Variants in NBAS observed in about 807,000 individuals in gnomAD.
NBAS encodes the protein NBAS subunit of NRZ tethering complex, also known as NAG/BC035112 fusion.
NBAS carries 219 observed loss-of-function variants against 302.5 expected under a neutral mutation model. That is an observed-to-expected ratio of 0.72 (90% CI 0.65 to 0.81). NBAS has a LOEUF of 0.81. Among genes scored for constraint, NBAS ranks in the 30% least tolerant of loss-of-function variants. The pLI is 0.00. For synonymous variants in NBAS, 1,118 were observed against 1,021.6 expected, an observed-to-expected ratio of 1.09 and a Z score of -1.80; for missense variants, 2,932 against 2,841.6, an observed-to-expected ratio of 1.03 and a Z score of -0.72.
chr2:14,907,268 C>T, the NBAS span, among the ~76,000 whole-genome samples: 1 of 152,172 alleles, frequency 6.6e-6, no homozygotes, highest in African/African-American at 2.4e-5. Context: ...CAGAGGCTTA[C>T]GTAATAAAAT....
the NBAS span, among the ~76,000 whole-genome samples, chr2:15,094,326 C>A: frequency 8.5e-5 from 13 of 152,130 alleles, no homozygotes; most frequent in Non-Finnish European, 1.6e-4. Flanking sequence ...TTTATGACAT[C>A]TCCATAAAAG....
intron 34 of NBAS, 108 bp from the exon 35 acceptor site, chr2:15,352,189 T>C (rs1673393632): frequency 1.3e-6 from 1 of 763,044 alleles, no homozygotes; most frequent in African/African-American, 1.7e-5. Flanking sequence ...AAAATTACCT[T>C]TTCATAATGA....
the NBAS span, among the ~76,000 whole-genome samples, chr2:14,992,457 A>G: frequency 0.013 from 1,926 of 152,262 alleles, 16 homozygotes; most frequent in Middle Eastern, 0.034. Context: ...TCTGTGCACA[A>G]TTTGTAATGG....
the NBAS span, among the ~76,000 whole-genome samples, chr2:15,090,751 G>A: frequency 4.6e-5 from 7 of 152,270 alleles, no homozygotes; most frequent in South Asian, 1.5e-3. Flanking sequence ...TCCTTATTTG[G>A]AAAAGCCATA....
the NBAS span, among the ~76,000 whole-genome samples, chr2:15,065,944 A>G: frequency 6.6e-6 from 1 of 152,200 alleles, no homozygotes; most frequent in African/African-American, 2.4e-5. Flanking sequence ...TCAAAGAAGA[A>G]CAAAGTTGGA....
At chr2:15,093,348 G>A in the NBAS span, among the ~76,000 whole-genome samples, 1,069 of 152,130 alleles carry the variant, frequency 7.0e-3, 13 homozygotes, top group African/African-American at 0.024. Context: ...CCCGGGAGGC[G>A]GTGGTTGCAG....
chr2:15,395,705 CT>C (rs1311721383), intron 27 of NBAS, among the ~76,000 whole-genome samples: 1 of 151,944 alleles, frequency 6.6e-6, no homozygotes, highest in African/African-American at 2.4e-5. Context: ...ATGTTATTAG[CT>C]ATAAATTTCT....
chr2:15,461,274 G>A lies in NBAS; in HGVS notation c.2266C>T (p.Arg756Cys), dbSNP rs948610084. The A allele has an allele frequency of 3.1e-6, 5 of 1,613,280 alleles. No homozygotes were observed. The highest frequency in any genetic ancestry group is 1.1e-5 in the South Asian group (1 of 91,060). The change falls in exon 21 of 52, where the codon CGC becomes TGC. Residue 756 changes from arginine (R) to cysteine (C), a missense_variant. Physicochemically the swap from Arg to Cys is radical, Grantham distance 180 (BLOSUM62 -3). Coordinates refer to ENST00000281513, the MANE Select transcript of NBAS (RefSeq NM_015909.4). The stretch of plus-strand genomic sequence containing the variant: ...GGAAAGTTGGACAGAATTGCAAGGC[G>A]ATGAGGAAGCAGGTCGGAACCATGG... ...TYHGSDLLPH[R>C]LAILSNFPET...
At chr2:15,449,248 T>C (rs111528477) in intron 21 of NBAS, among the ~76,000 whole-genome samples, 60 of 152,328 alleles carry the variant, frequency 3.9e-4, no homozygotes, top group African/African-American at 1.3e-3. Flanking sequence ...TTTATTAAAA[T>C]AATTCCCTAT....
chr2:15,111,268 A>C, the NBAS span, among the ~76,000 whole-genome samples: 1 of 152,168 alleles, frequency 6.6e-6, no homozygotes, highest in Non-Finnish European at 1.5e-5. Context: ...TCATCCCCCC[A>C]AAGCACAAAG....
At chr2:15,024,941 T>C in the NBAS span, among the ~76,000 whole-genome samples, 2 of 152,202 alleles carry the variant, frequency 1.3e-5, no homozygotes, top group South Asian at 4.1e-4. Context: ...ATAGTTTCCT[T>C]TTCTGTGCAG....
chr2:14,899,834 C>A, the NBAS span, among the ~76,000 whole-genome samples: 1 of 151,792 alleles, frequency 6.6e-6, no homozygotes, highest in Non-Finnish European at 1.5e-5. Flanking sequence ...TTTCAGGAGC[C>A]TAAGAAAAGA....
intron 45 of NBAS, among the ~76,000 whole-genome samples, chr2:15,235,669 G>A (rs1667559269): frequency 6.6e-6 from 1 of 152,122 alleles, no homozygotes; most frequent in Non-Finnish European, 1.5e-5. Flanking sequence ...TAGATAGGGA[G>A]GTATTTATGA....
At chr2:14,931,739 C>T in the NBAS span, among the ~76,000 whole-genome samples, 4 of 152,158 alleles carry the variant, frequency 2.6e-5, no homozygotes, top group Non-Finnish European at 5.9e-5. Context: ...TGTGAGGCCC[C>T]AACAGGATTC....
chr2:15,284,397 G>A (rs1669952117), intron 42 of NBAS, among the ~76,000 whole-genome samples: 1 of 152,126 alleles, frequency 6.6e-6, no homozygotes, highest in Non-Finnish European at 1.5e-5. Flanking sequence ...ACACCTAGAA[G>A]TGACACCAAT....
intron 42 of NBAS, among the ~76,000 whole-genome samples, chr2:15,285,612 C>A (rs60562929): frequency 6.6e-6 from 1 of 152,154 alleles, no homozygotes; most frequent in African/African-American, 2.4e-5. Flanking sequence ...CCTTTTCTCT[C>A]GGCTGTTTCA....
the NBAS span, among the ~76,000 whole-genome samples, chr2:14,820,260 C>CT: frequency 1.3e-5 from 2 of 152,044 alleles, no homozygotes; most frequent in East Asian, 1.9e-4. Flanking sequence ...TTGGAAGCAA[C>CT]GTAAGTGTTC....
the NBAS span, among the ~76,000 whole-genome samples, chr2:15,035,639 T>A: frequency 7.2e-5 from 11 of 152,258 alleles, no homozygotes; most frequent in South Asian, 2.3e-3. Flanking sequence ...TACATATATA[T>A]CATGGAATAC....
intron 20 of NBAS, 140 bp from the exon 21 acceptor site, chr2:15,461,477 C>T (rs552100220): frequency 2.2e-6 from 2 of 915,258 alleles, no homozygotes; most frequent in East Asian, 2.6e-5. Context: ...TTTTCCTAGC[C>T]TATATCCTGT....
Sources: allele counts gnomAD v4.1 joint callset (sites outside exome capture counted in the v4.1 genomes callset), GRCh38; gene constraint gnomAD v4.1.1; transcripts MANE v1.5; gene names NCBI Gene and HGNC (gene_info 2026-07-23, HGNC 2026-07-21).